THSD7A: variants seen among roughly 807,000 people sequenced by gnomAD.
The protein encoded by THSD7A is thrombospondin type 1 domain containing 7A, also known as thrombospondin type-1 domain-containing protein 7A.
In THSD7A, 96 loss-of-function variants were observed where a neutral mutation model predicts 231.3. That is an observed-to-expected ratio of 0.41 (90% CI 0.35 to 0.49). THSD7A has a LOEUF of 0.49. Among genes scored for constraint, THSD7A ranks in the 20% least tolerant of loss-of-function variants. The probability of loss-of-function intolerance (pLI) is 0.05; values close to 1 mark genes in which losing one functional copy is unlikely to be tolerated. For synonymous variants in THSD7A, 940 were observed against 743.3 expected (o/e 1.26, Z -4.30); for missense variants, 2,290 against 2,070.2 (o/e 1.11, Z -2.06).
chr7:11,758,292 A>G (rs1782748481), intron 1 of THSD7A, among the ~76,000 whole-genome samples: 1 of 151,984 alleles, frequency 6.6e-6, no homozygotes, highest in African/African-American at 2.4e-5. Flanking sequence ...GGTGGAACTG[A>G]TGTCTAGAGA....
intron 23 of THSD7A, among the ~76,000 whole-genome samples, chr7:11,389,572 C>A (rs749375963): frequency 1.3e-5 from 2 of 151,578 alleles, no homozygotes; most frequent in Non-Finnish European, 2.9e-5. Context: ...GACTCTTTAT[C>A]CAATTTGCCA....
chr7:11,769,137 A>ATTTT (rs1313840996), intron 1 of THSD7A, among the ~76,000 whole-genome samples: 5 of 36,630 alleles, frequency 1.4e-4, no homozygotes, highest in Non-Finnish European at 2.5e-4. Flanking sequence ...ATATATATAT[A>ATTTT]TATATATATA....
chr7:11,769,258 A>G (rs1162072811), intron 1 of THSD7A, among the ~76,000 whole-genome samples: 1 of 148,700 alleles, frequency 6.7e-6, no homozygotes, highest in Non-Finnish European at 1.5e-5. Context: ...CGGCCTCCCA[A>G]AGTGCTGGGA....
At chr7:11,703,268 C>A (rs1780662465) in intron 1 of THSD7A, among the ~76,000 whole-genome samples, 1 of 151,184 alleles carries the variant, frequency 6.6e-6, no homozygotes, top group African/African-American at 2.4e-5. Context: ...TGCCTAATAA[C>A]AGACGTAGGA....
intron 1 of THSD7A, among the ~76,000 whole-genome samples, chr7:11,658,569 C>A (rs1782795662): frequency 6.6e-6 from 1 of 151,640 alleles, no homozygotes; most frequent in Non-Finnish European, 1.5e-5. Context: ...CTGTTTTCTC[C>A]ATGTGATAAA....
intron 2 of THSD7A, among the ~76,000 whole-genome samples, chr7:11,628,048 A>T (rs1395997389): frequency 6.6e-6 from 1 of 152,140 alleles, no homozygotes; most frequent in Non-Finnish European, 1.5e-5. Flanking sequence ...TTCCTTATTT[A>T]TTTATGTTAA....
At chr7:11,625,145 G>A (rs561323819) in intron 2 of THSD7A, among the ~76,000 whole-genome samples, 2 of 152,028 alleles carry the variant, frequency 1.3e-5, no homozygotes, top group South Asian at 4.2e-4. Flanking sequence ...ATCTGTTAAT[G>A]GGAATATATG....
At chr7:11,603,043 A>G (rs545731869) in intron 2 of THSD7A, among the ~76,000 whole-genome samples, 1 of 150,648 alleles carries the variant, frequency 6.6e-6, no homozygotes, top group Non-Finnish European at 1.5e-5. Flanking sequence ...TAATTAAACT[A>G]AAGAGCTTCT....
chr7:11,624,406 T>C (rs943454374), intron 2 of THSD7A, among the ~76,000 whole-genome samples: 5 of 152,054 alleles, frequency 3.3e-5, no homozygotes, highest in African/African-American at 9.7e-5. Context: ...TTTACTGCTC[T>C]TTTGCCACCT....
intron 6 of THSD7A, among the ~76,000 whole-genome samples, chr7:11,531,382 G>C (rs971642748): frequency 1.4e-4 from 21 of 152,114 alleles, no homozygotes; most frequent in African/African-American, 5.1e-4. Flanking sequence ...CCCTTCAATA[G>C]ATTCCCATCT....
chr7:11,437,833 T>C (rs540823000), intron 13 of THSD7A, among the ~76,000 whole-genome samples: 1 of 152,110 alleles, frequency 6.6e-6, no homozygotes, highest in South Asian at 2.1e-4. Flanking sequence ...CAAAAAGTAA[T>C]ACATTTCAGT....
intron 6 of THSD7A, among the ~76,000 whole-genome samples, chr7:11,484,836 G>T (rs6949131): frequency 0.16 from 22,359 of 139,946 alleles, 1,716 homozygotes; most frequent in Middle Eastern, 0.22. Flanking sequence ...TGCTGGAAAT[G>T]CAGCCTCTCA....
chr7:11,447,121 C>A, intron 12 of THSD7A, 109 bp downstream of exon 12: 2 of 998,768 alleles, frequency 2.0e-6, no homozygotes, highest in Non-Finnish European at 3.0e-6. Context: ...ACATCTAAAT[C>A]CATTGGCATA....
rs373536934 is a variant in THSD7A at position 11,411,574 on chromosome 7, C to T, written c.3683-252G>A. On this transcript the variant is annotated intron_variant, in intron 18 of 27. Transcript: ENST00000423059. This position sits in a 1 kb window ranked among gnomAD's most constrained non-coding sequence, Gnocchi z 4.1. ...CTACTTGAAAATCTTGATAGCTAGC[C>T]GTTTGGTGACACTGTGAAAATGGCT... 1.7e-4 allele frequency among the ~76,000 whole-genome samples: 26 copies of T among 152,228 alleles called. No individual in the cohort carries two copies. Among genetic ancestry groups the T allele is most frequent in the African/African-American group, 4.3e-4 (18 of 41,530 alleles).
At chr7:11,736,694 G>T (rs1015664695) in intron 1 of THSD7A, among the ~76,000 whole-genome samples, 13 of 152,066 alleles carry the variant, frequency 8.5e-5, no homozygotes, top group Middle Eastern at 3.4e-3. Flanking sequence ...GTATCCTCCT[G>T]TATATAAGTG....
At chr7:11,619,535 A>G (rs545150154) in intron 2 of THSD7A, among the ~76,000 whole-genome samples, 32 of 151,900 alleles carry the variant, frequency 2.1e-4, no homozygotes, top group Non-Finnish European at 1.0e-4. Context: ...AAGCCTCTGG[A>G]GTAGCTAGGA....
chr7:11,541,563 G>A lies in THSD7A; in HGVS notation c.1678C>T (p.Pro560Ser). The change falls in exon 6 of 28, where the codon CCT becomes TCT. Residue 560 changes from proline (P) to serine (S), a missense_variant. Pro to Ser is a moderately conservative substitution (Grantham distance 74, BLOSUM62 -1). Coordinates refer to ENST00000423059, the MANE Select transcript of THSD7A (RefSeq NM_015204.3). Reference protein sequence around the residue: ...TGGSGVTGNCPHLLEAIPCEE... With the variant: ...TGGSGVTGNCSHLLEAIPCEE... The stretch of plus-strand genomic sequence containing the variant: ...CAGGGAATGGCTTCCAGTAAGTGAG[G>A]GCAGTTTCCGGTTACCCCAGAGCCT... 5.6e-6 allele frequency: 9 copies of A among 1,613,896 alleles called. No homozygotes were observed. The highest frequency in any genetic ancestry group is 6.8e-6 in the Non-Finnish European group (8 of 1,179,878).
intron 4 of THSD7A, among the ~76,000 whole-genome samples, chr7:11,576,778 T>G (rs897374185): frequency 6.6e-6 from 1 of 152,212 alleles, no homozygotes; most frequent in African/African-American, 2.4e-5. Context: ...TATAAAGGGC[T>G]TACATTATAC....
intron 4 of THSD7A, among the ~76,000 whole-genome samples, chr7:11,562,393 G>A (rs187255189): frequency 6.6e-6 from 1 of 152,210 alleles, no homozygotes; most frequent in Non-Finnish European, 1.5e-5. Context: ...GTGCTCAAAG[G>A]TTGAGAAAAA....
Sources: gnomAD v4.1 joint callset for allele counts (sites outside exome capture counted in the v4.1 genomes callset) on GRCh38, gnomAD v4.1.1 for gene constraint, Gnocchi (gnomAD v3.1) non-coding constraint, MANE v1.5 for transcripts, NCBI Gene and HGNC (gene_info 2026-07-23, HGNC 2026-07-21) for gene names.